Variants in INPP5F observed in about 807,000 individuals in gnomAD.
INPP5F encodes the protein phosphatidylinositide 4-phosphatase SAC2.
In INPP5F, 97 loss-of-function variants were observed where a neutral mutation model predicts 137.2. The ratio of observed to expected loss-of-function variants is 0.71; its 90% confidence interval spans 0.60 to 0.84. The LOEUF (loss-of-function observed/expected upper bound fraction) is 0.84, where lower values mean the gene tolerates loss of function less well. Among genes scored for constraint, INPP5F ranks in the 40% least tolerant of loss-of-function variants. The pLI, the probability that INPP5F is intolerant of heterozygous loss-of-function variation, is 0.00. For synonymous variants in INPP5F, 504 were observed against 476.9 expected (o/e 1.06, Z -0.74); for missense variants, 1,271 against 1,371.9 (o/e 0.93, Z 1.16).
At chr10:119,737,147 T>C (rs1339606202) in intron 1 of INPP5F, among the ~76,000 whole-genome samples, 1 of 152,242 alleles carries the variant, frequency 6.6e-6, no homozygotes, top group Non-Finnish European at 1.5e-5. Context: ...AAGTTTCTTT[T>C]CTAGGTGGTA....
intron 15 of INPP5F, chr10:119,819,335 G>A (rs1464845477): frequency 6.4e-6 from 7 of 1,095,168 alleles, no homozygotes; most frequent in Non-Finnish European, 7.9e-6. Context: ...GACATTTTCC[G>A]ACTGCCTGTT....
At chr10:119,809,205 C>T (rs149756826) in intron 13 of INPP5F, among the ~76,000 whole-genome samples, 4,578 of 130,016 alleles carry the variant, frequency 0.035, 94 homozygotes, top group Non-Finnish European at 0.048. Context: ...CCAGCCTGGG[C>T]GACAGAGCGA....
At chr10:119,738,648 T>TACACACACACAC (rs57713774) in intron 1 of INPP5F, among the ~76,000 whole-genome samples, 46 of 150,348 alleles carry the variant, frequency 3.1e-4, no homozygotes, top group African/African-American at 1.1e-3. Context: ...AGATTTTAAA[T>TACACACACACAC]ACACACACAC....
intron 3 of INPP5F, among the ~76,000 whole-genome samples, chr10:119,785,284 C>CTTTTT (rs1440327192): frequency 1.8e-4 from 15 of 81,586 alleles, no homozygotes; most frequent in Non-Finnish European, 2.7e-4. Flanking sequence ...AACTGCCAGA[C>CTTTTT]TGTTTTTTTT....
chr10:119,820,636 T>G (rs1214840830), intron 15 of INPP5F, among the ~76,000 whole-genome samples: 1 of 152,208 alleles, frequency 6.6e-6, no homozygotes, highest in Admixed American at 6.5e-5. Context: ...CATCCCTCAC[T>G]TCCCACATCT....
At chr10:119,786,953 A>C (rs1011228276) in intron 3 of INPP5F, among the ~76,000 whole-genome samples, 1 of 152,110 alleles carries the variant, frequency 6.6e-6, no homozygotes, top group South Asian at 2.1e-4. Context: ...GGGGGGCCAT[A>C]TTTGTTTTAG....
At chr10:119,814,792 C>T (rs1441990122) in intron 15 of INPP5F, among the ~76,000 whole-genome samples, 4 of 152,208 alleles carry the variant, frequency 2.6e-5, no homozygotes, top group Non-Finnish European at 5.9e-5. Flanking sequence ...CTTGCAGCTG[C>T]CCCACTGTGG....
At chr10:119,754,347 G>T (rs1002326769) in intron 2 of INPP5F, among the ~76,000 whole-genome samples, 3 of 152,196 alleles carry the variant, frequency 2.0e-5, no homozygotes, top group African/African-American at 7.2e-5. Context: ...TACAGTCAAA[G>T]TATGGTCATT....
intron 12 of INPP5F, among the ~76,000 whole-genome samples, chr10:119,807,642 T>C (rs1380347877): frequency 6.6e-6 from 1 of 152,216 alleles, no homozygotes; most frequent in African/African-American, 2.4e-5. Context: ...TGATATTCAG[T>C]TTCACTTCAT....
chr10:119,800,941 C>CT (rs1416637883), intron 9 of INPP5F, among the ~76,000 whole-genome samples: 2 of 85,584 alleles, frequency 2.3e-5, no homozygotes, highest in East Asian at 6.5e-4. Context: ...GAGCAACACT[C>CT]TGTCTCAAAA....
At chr10:119,739,588 T>C (rs1368513055) in intron 1 of INPP5F, among the ~76,000 whole-genome samples, 1 of 152,178 alleles carries the variant, frequency 6.6e-6, no homozygotes, top group Non-Finnish European at 1.5e-5. Flanking sequence ...TAGAATTAAA[T>C]AAACTGATGG....
intron 2 of INPP5F, among the ~76,000 whole-genome samples, chr10:119,769,624 G>A (rs1227243022): frequency 6.6e-6 from 1 of 152,160 alleles, no homozygotes; most frequent in East Asian, 1.9e-4. Flanking sequence ...GGCCGGAACA[G>A]AAGCAAAAAG....
chr10:119,812,125 G>A (rs1009137365), intron 15 of INPP5F, among the ~76,000 whole-genome samples, 170 bp downstream of exon 15: 1 of 152,220 alleles, frequency 6.6e-6, no homozygotes, highest in Non-Finnish European at 1.5e-5. Context: ...TGCCTTGGAT[G>A]CAAAATTAAG....
chr10:119,788,520 C>T (rs1850007903), intron 3 of INPP5F, among the ~76,000 whole-genome samples: 1 of 152,038 alleles, frequency 6.6e-6, no homozygotes, highest in Admixed American at 6.6e-5. Context: ...TCTTTCATTC[C>T]GAGAGAGTTA....
chr10:119,801,901 C>A (rs1316331213), intron 9 of INPP5F, among the ~76,000 whole-genome samples: 3 of 152,200 alleles, frequency 2.0e-5, no homozygotes, highest in Non-Finnish European at 4.4e-5. Flanking sequence ...ACATTCACAT[C>A]AATTTTCTAG....
rs745632402 is a variant in INPP5F, at chr10:119,806,438, C to T, written c.1398C>T (p.Asn466=). 2.8e-5 allele frequency: 45 copies of T among 1,609,714 alleles called. No homozygotes were observed. Among genetic ancestry groups the T allele is most frequent in the South Asian group, 4.4e-5 (4 of 90,262 alleles). ...GTATGGACTGCCTGGATCGCACCAA[C>T]GTGGTCCAAGCTGCCATCGCGAGAG... The part of the protein sequence containing the change: ...VNCMDCLDRT[N]VVQAAIARVV... The change falls in exon 12 of 20, where the codon AAC becomes AAT. Residue 466 remains asparagine, a synonymous_variant. Coordinates refer to ENST00000650623, the MANE Select transcript of INPP5F (RefSeq NM_014937.4).
chr10:119,821,565 A>G (rs1446404843), intron 16 of INPP5F, among the ~76,000 whole-genome samples: 2 of 152,054 alleles, frequency 1.3e-5, no homozygotes, highest in East Asian at 1.9e-4. Context: ...TGTGTAAACT[A>G]TTGTTTTTTA....
At chr10:119,750,284 C>A (rs950078171) in intron 1 of INPP5F, among the ~76,000 whole-genome samples, 4 of 152,192 alleles carry the variant, frequency 2.6e-5, no homozygotes, top group Non-Finnish European at 5.9e-5. Flanking sequence ...ATATTGTTTT[C>A]ATTCTTGATA....
rs774039695 is a variant in INPP5F, at chr10:119,726,295, C to T, written c.33C>T (p.Ile11=). 3.6e-5 allele frequency: 54 copies of T among 1,491,930 alleles called. No individual in the cohort carries two copies. The highest frequency in any genetic ancestry group is 1.8e-4 in the Middle Eastern group (1 of 5,598). 92.4% of individuals were successfully genotyped at this position (1,491,930 alleles called of 1,614,324 possible). The change falls in exon 1 of 20, where the codon ATC becomes ATT. Residue 11 remains isoleucine (I), a synonymous_variant. Coordinates refer to ENST00000650623, the MANE Select transcript of INPP5F (RefSeq NM_014937.4). MELFQAKDHY[I]LQQGERALWC... is the part of the protein sequence containing the mutation. ...TCTTCCAAGCCAAGGACCACTACAT[C>T]CTGCAGCAGGGCGAGCGCGCGCTGT...
Sources: allele counts gnomAD v4.1 joint callset (sites outside exome capture counted in the v4.1 genomes callset), GRCh38; gene constraint gnomAD v4.1.1; transcripts MANE v1.5; gene names NCBI Gene and HGNC (gene_info 2026-07-23, HGNC 2026-07-21).